NLRC5: variants seen among roughly 807,000 people sequenced by gnomAD.
NLRC5 encodes protein NLRC5.
Under a neutral mutation model 206.9 loss-of-function variants are expected in NLRC5, and 114 were observed. The ratio of observed to expected loss-of-function variants is 0.55; its 90% CI spans 0.47 to 0.64. NLRC5 has a LOEUF of 0.64. NLRC5 is among the 30% of genes least tolerant of loss of function. The probability of loss-of-function intolerance (pLI) is 0.00; values close to 1 mark genes in which losing one functional copy is unlikely to be tolerated. For synonymous variants in NLRC5, 952 were observed against 962.8 expected (o/e 0.99, Z 0.21); for missense variants, 2,008 against 2,305.5 (o/e 0.87, Z 2.64).
At chr16:57,027,051 A>T (rs373049919) in intron 6 of NLRC5, 33 bp downstream of exon 6, 4 of 1,593,188 alleles carry the variant, frequency 2.5e-6, no homozygotes, top group Non-Finnish European at 3.4e-6. Flanking sequence ...CGGGGAGGGG[A>T]TTGGGCTTTT....
Position 57,059,538 on chromosome 16 carries a change from C to T in NLRC5, c.3986+6C>T, listed in dbSNP as rs1267550032. The T allele has an allele frequency of 7.5e-6, 12 of 1,608,846 alleles. No homozygotes were observed. The Admixed American group carries it at 2.0e-4, about 27-fold the overall frequency. On this transcript the variant is annotated splice_donor_region_variant and intron_variant, in intron 30 of 48. Transcript: ENST00000688547. Reference sequence around the variant, plus strand: ...CAGGCTGGGAAGACACTCAGGTAATCCCTGCAGGGTGATGGGACAGGGGAC... The same window carrying T: ...CAGGCTGGGAAGACACTCAGGTAATTCCTGCAGGGTGATGGGACAGGGGAC...
intron 23 of NLRC5, chr16:57,048,252 T>C (rs2064278670): frequency 6.5e-6 from 1 of 152,770 alleles, no homozygotes. Flanking sequence ...TCTTCTCTCA[T>C]CAAATCCATG....
At chr16:57,081,411 G>C in intron 47 of NLRC5, 116 bp from the exon 48 acceptor site, 1 of 1,029,274 alleles carries the variant, frequency 9.7e-7, no homozygotes, top group African/African-American at 1.6e-5. Flanking sequence ...CCCTGAGAAG[G>C]TAGTGTGGGA....
At chr16:56,992,852 T>G (rs289750) in intron 1 of NLRC5, among the ~76,000 whole-genome samples, 1 of 150,148 alleles carries the variant, frequency 6.7e-6, no homozygotes, top group Admixed American at 6.7e-5. Flanking sequence ...TATGGAATTA[T>G]GCGTTAAAGG....
chr16:57,083,253 A>T lies in NLRC5; in HGVS notation c.*725A>T, dbSNP rs1479605517. The stretch of plus-strand genomic sequence containing the variant: ...CTTACTTACATACTAGCTTCCAAGG[A>T]CAGGTGGAGGTAGGGCCAGCCTGGC... On this transcript the variant is annotated 3_prime_UTR_variant, in exon 49 of 49. Coordinates refer to ENST00000688547, the MANE Select transcript of NLRC5 (RefSeq NM_001384950.1). The T allele has an allele frequency of 6.6e-6, 1 of 152,328 alleles. No homozygotes were observed. The highest frequency in any genetic ancestry group is 1.5e-5 in the Non-Finnish European group (1 of 68,132). 9.4% of individuals were successfully genotyped at this position (152,328 alleles called of 1,614,324 possible).
At chr16:57,031,259 C>A in intron 10 of NLRC5, 145 bp from the exon 11 acceptor site, 1 of 758,728 alleles carries the variant, frequency 1.3e-6, no homozygotes, top group Non-Finnish European at 2.3e-6. Context: ...AACACTTTTG[C>A]TAGTTCCGTT....
intron 17 of NLRC5, 137 bp downstream of exon 17, chr16:57,040,855 C>A: frequency 1.2e-6 from 1 of 808,302 alleles, no homozygotes; most frequent in Non-Finnish European, 2.0e-6. Flanking sequence ...GGGGTCATGG[C>A]CTGGCTTCCC....
At chr16:57,069,071 T>G (rs2067359522) in intron 36 of NLRC5, among the ~76,000 whole-genome samples, 1 of 152,242 alleles carries the variant, frequency 6.6e-6, no homozygotes, top group Non-Finnish European at 1.5e-5. Flanking sequence ...CCTGTGACAG[T>G]GGTGTCTGCC....
chr16:56,999,922 A>G (rs1308913252), intron 1 of NLRC5, among the ~76,000 whole-genome samples: 1 of 152,240 alleles, frequency 6.6e-6, no homozygotes, highest in Non-Finnish European at 1.5e-5. Flanking sequence ...GTTCCCAGAC[A>G]TCGGCACATG....
chr16:57,005,857 C>T (rs2058837730), intron 1 of NLRC5, among the ~76,000 whole-genome samples: 1 of 151,724 alleles, frequency 6.6e-6, no homozygotes, highest in Admixed American at 6.6e-5. Flanking sequence ...GAGGTGGAGA[C>T]TGCAGTGAGC....
At chr16:57,039,919 G>T (rs1231198325) in intron 16 of NLRC5, 70 bp downstream of exon 16, 3 of 1,338,706 alleles carry the variant, frequency 2.2e-6, no homozygotes, top group Non-Finnish European at 3.2e-6. Flanking sequence ...CCACAGCTGG[G>T]CAGTGCCAGT....
At chr16:57,055,572 G>A (rs1381742623) in intron 27 of NLRC5, 53 bp downstream of exon 27, 2 of 1,444,120 alleles carry the variant, frequency 1.4e-6, no homozygotes, top group Admixed American at 1.7e-5. Flanking sequence ...TGCCTGAGGG[G>A]CACTGAAGGG....
At chr16:57,048,780 T>G (rs2064375682) in intron 23 of NLRC5, among the ~76,000 whole-genome samples, 1 of 152,126 alleles carries the variant, frequency 6.6e-6, no homozygotes, top group Admixed American at 6.6e-5. Context: ...GTGATCCACC[T>G]TCCTCAGCCT....
intron 9 of NLRC5, 24 bp from the exon 10 acceptor site, chr16:57,029,971 G>A: frequency 6.2e-7 from 1 of 1,613,830 alleles, no homozygotes; most frequent in Non-Finnish European, 8.5e-7. Context: ...TTCCACTCCT[G>A]ACACCTTTGC....
intron 26 of NLRC5, 125 bp from the exon 27 acceptor site, chr16:57,055,308 G>A (rs1207522922): frequency 4.1e-6 from 4 of 966,866 alleles, no homozygotes; most frequent in Admixed American, 2.0e-5. Flanking sequence ...GACACTTCCA[G>A]AGGGTCCAAG....
chr16:57,081,867 A>T (rs1440782827), intron 48 of NLRC5, among the ~76,000 whole-genome samples: 1 of 152,246 alleles, frequency 6.6e-6, no homozygotes, highest in Non-Finnish European at 1.5e-5. Flanking sequence ...GGGGATACTG[A>T]TAGTATCTAC....
In NLRC5 at chr16:57,026,493, T is replaced by A; in HGVS notation, c.1550T>A (p.Leu517Gln). The A allele has an allele frequency of 6.2e-7, 1 of 1,614,144 alleles. No homozygotes were observed. Among genetic ancestry groups the A allele is most frequent in the Non-Finnish European group, 8.5e-7 (1 of 1,180,042 alleles). ...QTGYAFTHLS[L>Q]QEFLAALHLM... is the part of the protein sequence containing the mutation. ...GGCTATGCTTTCACCCACCTCAGCC[T>A]GCAGGAGTTTCTTGCTGCCCTGCAC... Residue 517 changes from leucine to glutamine, a missense_variant, in exon 6 of 49, where the codon CTG becomes CAG. Transcript: ENST00000688547.
chr16:57,020,828 C>T lies in NLRC5; in HGVS notation c.116C>T (p.Thr39Met), dbSNP rs777860818. ...AAGATGAAGTTCTTCCTCCCCAACA[C>T]GGACCTGGATTCCAGGAACGAGACC... ...NAKMKFFLPNTDLDSRNETLD... is the reference protein window; with the variant it reads ...NAKMKFFLPNMDLDSRNETLD... Residue 39 changes from threonine (T) to methionine (M), a missense_variant, in exon 3 of 49, where the codon ACG (threonine) becomes ATG (methionine). By Grantham distance (81) the Thr-to-Met change is moderately conservative. Transcript: ENST00000688547. 4.8e-5 allele frequency: 77 copies of T among 1,613,608 alleles called. No homozygotes were observed. The highest frequency in any genetic ancestry group is 1.0e-4 in the Admixed American group (6 of 59,946).
At chr16:57,020,271 C>A (rs1473337371) in intron 2 of NLRC5, among the ~76,000 whole-genome samples, 1 of 150,702 alleles carries the variant, frequency 6.6e-6, no homozygotes, top group Non-Finnish European at 1.5e-5. Flanking sequence ...ATCTTCCTCC[C>A]AGCTCCCCTG....
Sources: allele counts gnomAD v4.1 joint callset (sites outside exome capture counted in the v4.1 genomes callset), GRCh38; gene constraint gnomAD v4.1.1; transcripts MANE v1.5; gene names NCBI Gene and HGNC (gene_info 2026-07-23, HGNC 2026-07-21).